SPPL3: variants seen among roughly 807,000 people sequenced by gnomAD.
The protein encoded by SPPL3 is signal peptide peptidase-like 3.
In SPPL3, 5 loss-of-function variants were observed where a neutral mutation model predicts 42.4. The ratio of observed to expected loss-of-function variants is 0.12; its 90% CI spans 0.06 to 0.25. The LOEUF is 0.25. Among genes scored for constraint, SPPL3 ranks in the 10% least tolerant of loss-of-function variants. The pLI is 1.00. For missense variants in SPPL3, 235 were observed against 489.0 expected (o/e 0.48, Z 4.90); for synonymous variants, 195 against 181.8 (o/e 1.07, Z -0.58).
intron 1 of SPPL3, among the ~76,000 whole-genome samples, chr12:120,860,447 GAAC>G (rs1269081956): frequency 1.3e-5 from 2 of 152,128 alleles, no homozygotes; most frequent in Non-Finnish European, 2.9e-5. Context: ...CAGACTACAA[GAAC>G]AAGACTGTTT....
chr12:120,830,799 G>T (rs1049664152), intron 1 of SPPL3, among the ~76,000 whole-genome samples: 1 of 152,014 alleles, frequency 6.6e-6, no homozygotes, highest in Admixed American at 6.5e-5. Flanking sequence ...ACCCTAGAAG[G>T]AAGCCCAGCC....
At chr12:120,847,474 G>A (rs993294450) in intron 1 of SPPL3, among the ~76,000 whole-genome samples, 1 of 151,386 alleles carries the variant, frequency 6.6e-6, no homozygotes, top group Admixed American at 6.6e-5. Context: ...TGTATCCTTT[G>A]TAGAGACAAG....
chr12:120,837,070 C>T (rs184047642), intron 1 of SPPL3, among the ~76,000 whole-genome samples: 19 of 151,906 alleles, frequency 1.3e-4, no homozygotes, highest in Admixed American at 3.3e-4. Flanking sequence ...CTAGGTTTTG[C>T]GGTAGTCTGT....
At chr12:120,862,155 T>C (rs1452867182) in intron 1 of SPPL3, among the ~76,000 whole-genome samples, 2 of 152,178 alleles carry the variant, frequency 1.3e-5, no homozygotes, top group African/African-American at 4.8e-5. Context: ...ATATTAGACA[T>C]TGAAACTGTG....
intron 1 of SPPL3, among the ~76,000 whole-genome samples, chr12:120,888,696 G>C (rs1020874873): frequency 2.4e-4 from 37 of 152,210 alleles, no homozygotes; most frequent in African/African-American, 8.4e-4. Flanking sequence ...CTTTTGGGAT[G>C]AAGAAAATGT....
At position 120,762,594 on chromosome 12, in the gene SPPL3, CTT is replaced by C. The variant is rs34949455; in HGVS notation, c.*2403_*2404del. The C allele has an allele frequency of 8.7e-4, 115 of 132,406 alleles. No individual in the cohort carries two copies. Among genetic ancestry groups the C allele is most frequent in the Middle Eastern group, 3.8e-3 (1 of 264 alleles). 8.2% of individuals were successfully genotyped at this position (132,406 alleles called of 1,614,324 possible). ...TGACCCACTGCCAGGATAACATTTC[CTT>C]TTTTTTTTTTTTTTTGAGATGGAGT... On this transcript the variant is annotated 3_prime_UTR_variant, in exon 11 of 11. Coordinates refer to ENST00000353487, the MANE Select transcript of SPPL3 (RefSeq NM_139015.5).
At chr12:120,822,689 G>A (rs1257412488) in intron 1 of SPPL3, among the ~76,000 whole-genome samples, 2 of 152,116 alleles carry the variant, frequency 1.3e-5, no homozygotes, top group African/African-American at 4.8e-5. Context: ...CCAGAGCAAG[G>A]AGGGATTAGA....
intron 6 of SPPL3, among the ~76,000 whole-genome samples, chr12:120,776,921 T>C (rs188127234): frequency 1.3e-5 from 2 of 152,338 alleles, no homozygotes; most frequent in African/African-American, 4.8e-5. Flanking sequence ...CTGCTAGCAG[T>C]GAAACTAATC....
intron 1 of SPPL3, among the ~76,000 whole-genome samples, chr12:120,894,671 C>T (rs1306208147): frequency 2.0e-5 from 3 of 152,154 alleles, no homozygotes; most frequent in South Asian, 2.1e-4. Context: ...ACTGGCCAGG[C>T]GCAGTGGCTC....
chr12:120,787,916 G>T (rs1398548259), intron 3 of SPPL3, among the ~76,000 whole-genome samples: 9 of 152,090 alleles, frequency 5.9e-5, no homozygotes. Flanking sequence ...CCATTCTACG[G>T]TTGACATTTG....
chr12:120,782,596 A>G (rs966773560), intron 6 of SPPL3, 59 bp downstream of exon 6: 4 of 1,288,104 alleles, frequency 3.1e-6, no homozygotes, highest in South Asian at 2.6e-5. Flanking sequence ...TGAATATCCT[A>G]AAGTATCTAT....
At chr12:120,837,793 A>G (rs1871672464) in intron 1 of SPPL3, among the ~76,000 whole-genome samples, 1 of 152,152 alleles carries the variant, frequency 6.6e-6, no homozygotes, top group African/African-American at 2.4e-5. Context: ...AAAATAATGC[A>G]TTTCCAACCT....
rs568893855 is a variant in SPPL3 at position 120,887,321 on chromosome 12, A to G, written c.23+16524T>C. On this transcript the variant is annotated intron_variant, in intron 1 of 10. Coordinates refer to ENST00000353487, the MANE Select transcript of SPPL3 (RefSeq NM_139015.5). ...AAACTTTACATTACATATATACCAT[A>G]TATTATACTTCTATTGGGCAGTGCA... is the stretch of plus-strand genomic sequence containing the variant. Among the ~76,000 whole-genome samples, 7 of 152,238 alleles carry G rather than the reference A, an allele frequency of 4.6e-5. No homozygotes were observed. The South Asian group carries it at 8.3e-4, about 18-fold the overall frequency.
chr12:120,766,087 G>T (rs985531123), intron 10 of SPPL3, among the ~76,000 whole-genome samples, 176 bp downstream of exon 10: 1 of 143,814 alleles, frequency 7.0e-6, no homozygotes. Context: ...TAACGCCAGG[G>T]TAGCGCGCGC....
chr12:120,808,817 A>C (rs1870587110), intron 2 of SPPL3, among the ~76,000 whole-genome samples: 1 of 152,258 alleles, frequency 6.6e-6, no homozygotes, highest in Non-Finnish European at 1.5e-5. Context: ...GGTAGTCTGC[A>C]CTACTGAAAG....
intron 1 of SPPL3, among the ~76,000 whole-genome samples, chr12:120,865,272 C>T (rs955683908): frequency 6.6e-6 from 1 of 152,202 alleles, no homozygotes; most frequent in Non-Finnish European, 1.5e-5. Flanking sequence ...TCTGTTACCT[C>T]ACGCTCATAG....
At chr12:120,799,247 A>C (rs1214675973) in intron 2 of SPPL3, among the ~76,000 whole-genome samples, 1 of 152,198 alleles carries the variant, frequency 6.6e-6, no homozygotes, top group East Asian at 1.9e-4. Flanking sequence ...AAATCATCTA[A>C]CACAAAGGCC....
At chr12:120,887,440 C>A (rs1281826164) in intron 1 of SPPL3, among the ~76,000 whole-genome samples, 3 of 152,102 alleles carry the variant, frequency 2.0e-5, no homozygotes. Context: ...ACCGCCACTT[C>A]CACCCACCAA....
chr12:120,801,242 G>T (rs1340202383), intron 2 of SPPL3, among the ~76,000 whole-genome samples: 1 of 152,184 alleles, frequency 6.6e-6, no homozygotes, highest in African/African-American at 2.4e-5. Flanking sequence ...TCAGGGCTGC[G>T]ACCTGTGAGG....
Sources: gnomAD v4.1 joint callset for allele counts (sites outside exome capture counted in the v4.1 genomes callset) on GRCh38, gnomAD v4.1.1 for gene constraint, MANE v1.5 for transcripts, NCBI Gene and HGNC (gene_info 2026-07-23, HGNC 2026-07-21) for gene names.